The following ULK4 variants were observed in gnomAD, a reference collection of about 807,000 sequenced individuals.
ULK4 encodes the protein inactive serine/threonine-protein kinase ULK4.
A neutral mutation model predicts 160.6 loss-of-function variants in ULK4; 133 were observed. That is an observed-to-expected ratio of 0.83 (90% CI 0.72 to 0.96). ULK4 has a LOEUF of 0.96. Ranked by LOEUF, ULK4 falls within the 40% of genes least tolerant of loss-of-function variation. ULK4 has a pLI of 0.00. For synonymous variants in ULK4, 534 were observed against 539.8 expected (o/e 0.99, Z 0.15); for missense variants, 1,580 against 1,499.5 (o/e 1.05, Z -0.89).
chr3:41,624,345 C>T (rs2033389373), intron 30 of ULK4, among the ~76,000 whole-genome samples: 1 of 152,182 alleles, frequency 6.6e-6, no homozygotes, highest in Non-Finnish European at 1.5e-5. Flanking sequence ...AACATAAATG[C>T]CACGACTTCT....
intron 30 of ULK4, among the ~76,000 whole-genome samples, chr3:41,635,407 A>G (rs1423101510): frequency 6.6e-6 from 1 of 152,030 alleles, no homozygotes; most frequent in Non-Finnish European, 1.5e-5. Context: ...ATTATTAAGA[A>G]TTATAATTTT....
intron 34 of ULK4, among the ~76,000 whole-genome samples, chr3:41,413,291 G>C (rs935976932): frequency 1.3e-5 from 2 of 152,134 alleles, no homozygotes; most frequent in Non-Finnish European, 2.9e-5. Context: ...TTCAAGATGA[G>C]ATTTGGGTGG....
intron 32 of ULK4, among the ~76,000 whole-genome samples, chr3:41,523,151 C>T (rs959837485): frequency 3.3e-5 from 5 of 152,092 alleles, no homozygotes; most frequent in Admixed American, 6.5e-5. Flanking sequence ...TCAGGTGATC[C>T]GCCTGCCTCA....
At chr3:41,503,255 C>A (rs1445018757) in intron 32 of ULK4, among the ~76,000 whole-genome samples, 2 of 152,148 alleles carry the variant, frequency 1.3e-5, no homozygotes, top group Non-Finnish European at 2.9e-5. Flanking sequence ...CTCGGCAAAC[C>A]AACATTTAAT....
chr3:41,399,509 T>C (rs968284008), intron 34 of ULK4, among the ~76,000 whole-genome samples: 9 of 152,178 alleles, frequency 5.9e-5, no homozygotes, highest in African/African-American at 2.2e-4. Flanking sequence ...TTGAAAACTC[T>C]AACTTTTTTT....
intron 2 of ULK4, among the ~76,000 whole-genome samples, chr3:41,950,028 A>G (rs1174611734): frequency 2.6e-5 from 4 of 151,378 alleles, no homozygotes; most frequent in African/African-American, 9.7e-5. Context: ...GAGCCACCAC[A>G]CCTGGCACGG....
intron 2 of ULK4, among the ~76,000 whole-genome samples, chr3:41,953,865 T>C (rs918385972): frequency 2.6e-5 from 4 of 151,922 alleles, no homozygotes; most frequent in Non-Finnish European, 4.4e-5. Context: ...CTGGGCAACA[T>C]AGCCAAACCC....
chr3:41,884,281 T>C (rs1179288449), intron 16 of ULK4, among the ~76,000 whole-genome samples: 1 of 152,248 alleles, frequency 6.6e-6, no homozygotes, highest in East Asian at 1.9e-4. Context: ...AATCCTTTTA[T>C]TGCTGAGTAC....
At chr3:41,370,972 C>T (rs1233806168) in intron 35 of ULK4, among the ~76,000 whole-genome samples, 1 of 152,132 alleles carries the variant, frequency 6.6e-6, no homozygotes, top group Non-Finnish European at 1.5e-5. Flanking sequence ...GGGGCGTACA[C>T]CATTACTGAG....
At chr3:41,404,180 C>T (rs1254318932) in intron 34 of ULK4, among the ~76,000 whole-genome samples, 1 of 151,108 alleles carries the variant, frequency 6.6e-6, no homozygotes, top group Non-Finnish European at 1.5e-5. Flanking sequence ...GTGGGAAAGC[C>T]CCAACTATCA....
chr3:41,684,659 T>G (rs572132391), intron 27 of ULK4, among the ~76,000 whole-genome samples: 107 of 152,370 alleles, frequency 7.0e-4, no homozygotes, highest in East Asian at 1.3e-3. Flanking sequence ...TTTTGCTATC[T>G]TAAATCTATT....
At chr3:41,773,472 T>C (rs995393616) in intron 21 of ULK4, among the ~76,000 whole-genome samples, 6 of 152,126 alleles carry the variant, frequency 3.9e-5, no homozygotes, top group African/African-American at 7.2e-5. Flanking sequence ...CCATTCACAA[T>C]TGCTTCAAAG....
chr3:41,933,763 T>G (rs542100802), intron 4 of ULK4, among the ~76,000 whole-genome samples: 31 of 151,572 alleles, frequency 2.0e-4, no homozygotes, highest in Middle Eastern at 3.5e-3. Context: ...AATAATGTGG[T>G]TTTTAGCCAG....
chr3:41,490,113 A>T (rs553207919), intron 32 of ULK4, among the ~76,000 whole-genome samples: 3 of 152,248 alleles, frequency 2.0e-5, no homozygotes, highest in African/African-American at 7.2e-5. Flanking sequence ...TGTATATTAC[A>T]GTTCCTTTCT....
intron 2 of ULK4, among the ~76,000 whole-genome samples, chr3:41,949,188 A>G (rs1409541695): frequency 1.3e-5 from 2 of 151,920 alleles, no homozygotes; most frequent in African/African-American, 4.8e-5. Context: ...AGGCACCTGA[A>G]ATCGCAGCTA....
At chr3:41,472,724 A>G (rs796878844) in intron 32 of ULK4, among the ~76,000 whole-genome samples, 3 of 152,160 alleles carry the variant, frequency 2.0e-5, no homozygotes, top group African/African-American at 7.2e-5. Flanking sequence ...TCCTTCACAA[A>G]CTCTTCCAAA....
At chr3:41,715,376 A>G in intron 24 of ULK4, 71 bp downstream of exon 24, 1 of 1,611,686 alleles carries the variant, frequency 6.2e-7, no homozygotes, top group East Asian at 2.2e-5. Context: ...TTTTGAGTTG[A>G]GGATTCTCAG....
intron 5 of ULK4, among the ~76,000 whole-genome samples, chr3:41,928,683 A>G (rs1699475441): frequency 6.6e-6 from 1 of 152,120 alleles, no homozygotes; most frequent in African/African-American, 2.4e-5. Flanking sequence ...AGAAATACAA[A>G]GGAACCATCA....
intron 31 of ULK4, among the ~76,000 whole-genome samples, chr3:41,574,288 A>G (rs2125617669): frequency 6.6e-6 from 1 of 152,214 alleles, no homozygotes; most frequent in Middle Eastern, 3.4e-3. Flanking sequence ...TGGAGGTCCC[A>G]CAGCTTGCCC....
Sources: gnomAD v4.1 joint callset for allele counts (sites outside exome capture counted in the v4.1 genomes callset) on GRCh38, gnomAD v4.1.1 for gene constraint, MANE v1.5 for transcripts, NCBI Gene and HGNC (gene_info 2026-07-23, HGNC 2026-07-21) for gene names.